COL27A1: variants seen among roughly 807,000 people sequenced by gnomAD.
COL27A1 encodes collagen type XXVII alpha 1 chain.
A neutral mutation model predicts 251.3 loss-of-function variants in COL27A1; 106 were observed. That is an observed-to-expected ratio of 0.42 (90% CI 0.36 to 0.50). The LOEUF is 0.50. Ranked by LOEUF, COL27A1 falls within the 20% of genes least tolerant of loss-of-function variation. The pLI, the probability that COL27A1 is intolerant of heterozygous loss-of-function variation, is 0.00. For missense variants in COL27A1, 2,325 were observed against 2,522.8 expected (o/e 0.92, Z 1.68); for synonymous variants, 1,000 against 986.3 (o/e 1.01, Z -0.26).
intron 1 of COL27A1, among the ~76,000 whole-genome samples, chr9:114,161,546 C>T (rs902357985): frequency 1.3e-5 from 2 of 152,130 alleles, no homozygotes; most frequent in African/African-American, 4.8e-5. Flanking sequence ...AGTTATCAAC[C>T]CTGGCAGACA....
At position 114,266,558 on chromosome 9, in the gene COL27A1, C is replaced by T. The variant is rs1834758581; in HGVS notation, c.3394-7C>T. The stretch of plus-strand genomic sequence containing the variant: ...CCCAACTGTCTGTGTGTCTGTCTGT[C>T]TTCCAGGGCCCTCAGGGACCCCAGG... On this transcript the variant is annotated splice_polypyrimidine_tract_variant and splice_region_variant and intron_variant, in intron 32 of 60. Coordinates refer to ENST00000356083, the MANE Select transcript of COL27A1 (RefSeq NM_032888.4). 2 of 1,613,362 alleles carry T rather than the reference C, an allele frequency of 1.2e-6. No homozygotes were observed. Among genetic ancestry groups the T allele is most frequent in the African/African-American group, 1.3e-5 (1 of 74,906 alleles).
At chr9:114,267,441 C>A in intron 33 of COL27A1, 63 bp from the exon 34 acceptor site, 1 of 1,449,838 alleles carries the variant, frequency 6.9e-7, no homozygotes, top group Non-Finnish European at 9.5e-7. Context: ...CCTCAGTTAC[C>A]CCCTTGCTTA....
chr9:114,211,140 G>C (rs1830331227), intron 12 of COL27A1, 114 bp downstream of exon 12: 2 of 1,109,984 alleles, frequency 1.8e-6, no homozygotes, highest in Non-Finnish European at 1.4e-6. Flanking sequence ...CCTGCTTTGA[G>C]TGTGGGGGCC....
At chr9:114,274,829 T>G (rs1588847159) in intron 36 of COL27A1, among the ~76,000 whole-genome samples, 1 of 152,126 alleles carries the variant, frequency 6.6e-6, no homozygotes, top group East Asian at 1.9e-4. Flanking sequence ...TTATTATTAT[T>G]ATTATTCACT....
Position 114,300,997 on chromosome 9 carries a change from G to A in COL27A1, c.4702-75G>A, listed in dbSNP as rs535232838. On this transcript the variant is annotated intron_variant, in intron 51 of 60. Coordinates refer to ENST00000356083, the MANE Select transcript of COL27A1 (RefSeq NM_032888.4). ...TCTACTCCCTTGCGACGCTCGGGCTGCCCTCCACCCCGCTCCCCGTGTCTG... is the reference window on the plus strand; with the variant it reads ...TCTACTCCCTTGCGACGCTCGGGCTACCCTCCACCCCGCTCCCCGTGTCTG... The A allele has an allele frequency of 2.1e-6, 3 of 1,441,480 alleles. No individual in the cohort carries two copies. The South Asian group carries it at 4.0e-5, about 19-fold the overall frequency. The allele number at this position is 1,441,480 out of a possible 1,614,324, so 89.3% of individuals were successfully genotyped here. A position where few individuals can be genotyped will look rare whatever the true frequency, so the allele number is the denominator to read the frequency against.
intron 56 of COL27A1, among the ~76,000 whole-genome samples, chr9:114,302,726 C>CAAAAAAAAAAAAAAAAAAAAAAA (rs60188308): frequency 1.4e-5 from 2 of 139,200 alleles, no homozygotes; most frequent in African/African-American, 2.7e-5. Context: ...ACAAAAAAAA[C>CAAAAAAAAAAAAAAAAAAAAAAA]AAAAAAAAAA....
chr9:114,296,424 A>G (rs1380012819), intron 49 of COL27A1, among the ~76,000 whole-genome samples: 1 of 152,254 alleles, frequency 6.6e-6, no homozygotes, highest in Non-Finnish European at 1.5e-5. Context: ...AAGAAAGTAT[A>G]CTGATAGCAA....
At chr9:114,278,734 G>A (rs1327143048) in intron 37 of COL27A1, among the ~76,000 whole-genome samples, 3 of 151,810 alleles carry the variant, frequency 2.0e-5, no homozygotes, top group Non-Finnish European at 2.9e-5. Flanking sequence ...CTCATATGCC[G>A]GGATTGGAAG....
At chr9:114,241,926 G>T (rs1832783580) in intron 21 of COL27A1, among the ~76,000 whole-genome samples, 1 of 152,194 alleles carries the variant, frequency 6.6e-6, no homozygotes, top group Admixed American at 6.5e-5. Flanking sequence ...ACACAACGGG[G>T]TTTAACTCTC....
chr9:114,241,282 C>T (rs1266764962), intron 21 of COL27A1, among the ~76,000 whole-genome samples: 1 of 152,244 alleles, frequency 6.6e-6, no homozygotes, highest in Non-Finnish European at 1.5e-5. Context: ...GCTGAGGGTG[C>T]GGGAAGCCCA....
At position 114,289,334 on chromosome 9, in the gene COL27A1, A is replaced by C; in HGVS notation, c.4206+39A>C. The C allele has an allele frequency of 2.0e-6, 3 of 1,535,658 alleles. No individual in the cohort carries two copies. The South Asian group carries it at 3.7e-5, about 19-fold the overall frequency. On this transcript the variant is annotated intron_variant, in intron 45 of 60. Coordinates refer to ENST00000356083, the MANE Select transcript of COL27A1 (RefSeq NM_032888.4). ...GGGTTCAGCAGGGAGACTGAGTCCC[A>C]GGAAGGGGGAAGCCTGACCCACAGT...
At chr9:114,238,278 A>G (rs1175539344) in intron 19 of COL27A1, among the ~76,000 whole-genome samples, 1 of 152,262 alleles carries the variant, frequency 6.6e-6, no homozygotes, top group Non-Finnish European at 1.5e-5. Flanking sequence ...GGTAGGCTAC[A>G]CCTGAATGAT....
chr9:114,245,786 C>A, intron 23 of COL27A1, 80 bp from the exon 24 acceptor site: 2 of 1,366,234 alleles, frequency 1.5e-6, no homozygotes, highest in East Asian at 2.3e-5. Context: ...GCAGCTAAGG[C>A]CAGCAGGCCT....
At chr9:114,224,534 T>G (rs1247104119) in intron 14 of COL27A1, among the ~76,000 whole-genome samples, 1 of 152,166 alleles carries the variant, frequency 6.6e-6, no homozygotes, top group Non-Finnish European at 1.5e-5. Flanking sequence ...ATGTTCCTAT[T>G]TGTCATCATC....
At chr9:114,291,792 G>A (rs10982135) in intron 48 of COL27A1, among the ~76,000 whole-genome samples, 15,335 of 152,104 alleles carry the variant, frequency 0.1, 1,030 homozygotes, top group East Asian at 0.24. Context: ...GGCATTCTAC[G>A]AGTGTGAGCT....
At chr9:114,213,098 A>G (rs555622557) in intron 12 of COL27A1, among the ~76,000 whole-genome samples, 1 of 152,322 alleles carries the variant, frequency 6.6e-6, no homozygotes, top group East Asian at 1.9e-4. Context: ...GCTCAGTGTC[A>G]CAGTTGGATT....
chr9:114,196,140 C>A (rs558142532), intron 7 of COL27A1, 128 bp downstream of exon 7: 14 of 824,656 alleles, frequency 1.7e-5, no homozygotes, highest in Non-Finnish European at 2.7e-5. Context: ...GCACAGGGTA[C>A]ATGGGTGAGA....
intron 21 of COL27A1, 104 bp from the exon 22 acceptor site, chr9:114,242,083 G>C: frequency 3.0e-6 from 3 of 998,012 alleles, no homozygotes; most frequent in Non-Finnish European, 4.2e-6. Context: ...GTCCAGGAGG[G>C]CTCTCCTCTG....
chr9:114,198,222 A>G (rs1829297245), intron 7 of COL27A1, among the ~76,000 whole-genome samples: 1 of 152,252 alleles, frequency 6.6e-6, no homozygotes, highest in African/African-American at 2.4e-5. Context: ...TTGAATGCCT[A>G]TAATGTGCCA....
Sources: gnomAD v4.1 joint callset for allele counts (sites outside exome capture counted in the v4.1 genomes callset) on GRCh38, gnomAD v4.1.1 for gene constraint, MANE v1.5 for transcripts, NCBI Gene and HGNC (gene_info 2026-07-23, HGNC 2026-07-21) for gene names.